The following CCNY variants were observed in gnomAD, a reference collection of about 807,000 sequenced individuals.
The protein encoded by CCNY is cyclin-Y.
CCNY carries 19 observed loss-of-function variants against 42.8 expected under a neutral mutation model. The ratio of observed to expected loss-of-function variants is 0.44; its 90% CI spans 0.31 to 0.65. The LOEUF is 0.65. Among genes scored for constraint, CCNY ranks in the 30% least tolerant of loss-of-function variants. CCNY has a pLI of 0.07. For synonymous variants in CCNY, 165 were observed against 162.7 expected (o/e 1.01, Z -0.11); for missense variants, 370 against 437.3 (o/e 0.85, Z 1.37).
intron 3 of CCNY, among the ~76,000 whole-genome samples, chr10:35,275,826 CAGGTCTGCAAACTGGACCT>C (rs1416161325): frequency 6.6e-6 from 1 of 152,180 alleles, no homozygotes; most frequent in Non-Finnish European, 1.5e-5. Context: ...GACCACTGGG[CAGGTCTGCAAACTGGACCT>C]AGGTCGGGAC....
intron 3 of CCNY, among the ~76,000 whole-genome samples, chr10:35,259,714 G>A (rs2135030331): frequency 7.5e-6 from 1 of 133,464 alleles, no homozygotes; most frequent in South Asian, 2.4e-4. Context: ...GTTTGGCCAT[G>A]TTGGCCAGGC....
At chr10:35,442,122 A>T (rs950024210) in intron 1 of CCNY, among the ~76,000 whole-genome samples, 2 of 152,224 alleles carry the variant, frequency 1.3e-5, no homozygotes, top group Non-Finnish European at 2.9e-5. Context: ...TGGGCTGGCT[A>T]GAAATGTCAC....
chr10:35,446,442 C>A (rs115071713), intron 1 of CCNY, among the ~76,000 whole-genome samples: 1,793 of 152,198 alleles, frequency 0.012, 44 homozygotes, highest in African/African-American at 0.041. Context: ...TTAAATAGTA[C>A]TTAATTGTCC....
At chr10:35,519,579 C>T (rs1398957689) in intron 4 of CCNY, among the ~76,000 whole-genome samples, 1 of 151,782 alleles carries the variant, frequency 6.6e-6, no homozygotes, top group Non-Finnish European at 1.5e-5. Context: ...ACCAATGTCC[C>T]CCTGCCACTT....
intron 3 of CCNY, among the ~76,000 whole-genome samples, chr10:35,303,718 G>C (rs960797005): frequency 1.2e-4 from 18 of 147,312 alleles, no homozygotes; most frequent in African/African-American, 4.5e-4. Context: ...CGGAGGTTGC[G>C]GTGAGCCGAG....
intron 1 of CCNY, among the ~76,000 whole-genome samples, chr10:35,385,225 G>A (rs543980722): frequency 4.3e-4 from 66 of 152,260 alleles, no homozygotes; most frequent in Non-Finnish European, 6.9e-4. Flanking sequence ...AGCAATATGT[G>A]AATTCAAATT....
In CCNY at chr10:35,319,308, A is replaced by G. The variant is rs1835795368; in HGVS notation, c.-9+68682A>G. Among the ~76,000 whole-genome samples the G allele has an allele frequency of 2.6e-5, 4 of 152,306 alleles. No individual in the cohort carries two copies. In the South Asian group the frequency reaches 8.3e-4, roughly 32 times the overall value. The stretch of plus-strand genomic sequence containing the variant: ...GGCAGGAGGACTGCCTGAGACCAGG[A>G]GTTTGGGGCTGAGTGAGTTATGATC... On this transcript the variant is annotated intron_variant, in intron 3 of 11. Coordinates refer to the CCNY transcript ENST00000374706.
At chr10:35,507,929 G>C (rs1840247558) in intron 3 of CCNY, among the ~76,000 whole-genome samples, 1 of 152,112 alleles carries the variant, frequency 6.6e-6, no homozygotes, top group Non-Finnish European at 1.5e-5. Context: ...CGAGAGGCAG[G>C]CAGTTTCATC....
chr10:35,566,191 A>G lies in CCNY; in HGVS notation c.909+6A>G. ...AGAGGGCTCACAAGCTTGAGGTAAG[A>G]TGGTTTAAAACAGCGTTTTGTGGTG... On this transcript the variant is annotated splice_donor_region_variant and intron_variant, in intron 9 of 9. Transcript: ENST00000374704. 1 of 1,612,342 alleles carries G rather than the reference A, an allele frequency of 6.2e-7. No individual in the cohort carries two copies. The highest frequency in any genetic ancestry group is 2.2e-5 in the East Asian group (1 of 44,880).
At chr10:35,512,795 C>T (rs959268045) in intron 3 of CCNY, among the ~76,000 whole-genome samples, 2 of 151,686 alleles carry the variant, frequency 1.3e-5, no homozygotes, top group African/African-American at 4.8e-5. Flanking sequence ...GGGAGCTCAG[C>T]ATGGTGATGG....
chr10:35,300,442 G>A (rs1288265923), intron 3 of CCNY, among the ~76,000 whole-genome samples: 2 of 151,986 alleles, frequency 1.3e-5, no homozygotes, highest in Non-Finnish European at 2.9e-5. Context: ...TTTGTCTGTT[G>A]TTCAGAGTCT....
At chr10:35,252,444 T>C (rs1236032160) in intron 3 of CCNY, among the ~76,000 whole-genome samples, 3 of 151,770 alleles carry the variant, frequency 2.0e-5, no homozygotes, top group African/African-American at 4.8e-5. Context: ...CTGGCGCCTG[T>C]AGTCCCAGCT....
chr10:35,564,988 C>T (rs1056431221), intron 8 of CCNY, among the ~76,000 whole-genome samples: 11 of 151,082 alleles, frequency 7.3e-5, no homozygotes, highest in Non-Finnish European at 1.5e-4. Flanking sequence ...GGGTGGGCAC[C>T]CTGTGGGTGG....
At chr10:35,274,547 C>T (rs1375918392) in intron 3 of CCNY, among the ~76,000 whole-genome samples, 1 of 152,190 alleles carries the variant, frequency 6.6e-6, no homozygotes, top group Non-Finnish European at 1.5e-5. Context: ...TATGTTTTAT[C>T]AAGGCCTCCA....
intron 3 of CCNY, among the ~76,000 whole-genome samples, chr10:35,285,869 A>G (rs1367097947): frequency 6.6e-6 from 1 of 151,838 alleles, no homozygotes; most frequent in African/African-American, 2.4e-5. Flanking sequence ...CTGGAGTGCA[A>G]TGGCACGATC....
At position 35,290,222 on chromosome 10, in the gene CCNY, TCACACACACACACA is replaced by T. The variant is rs368209050; in HGVS notation, c.-9+39625_-9+39638del. ...GCCTGGGCAACACAGCAAGACTCCA[TCACACACACACACA>T]CACACACACACACACACACACACAC... On this transcript the variant is annotated intron_variant, in intron 3 of 11. Coordinates refer to the CCNY transcript ENST00000374706. 9.8e-5 allele frequency among the ~76,000 whole-genome samples: 12 copies of T among 122,910 alleles called. 1 individual carries two copies. The highest frequency in any genetic ancestry group is 4.9e-4 in the East Asian group (2 of 4,112). The allele number at this position is 122,910 out of a possible 152,430, so 80.6% of individuals were successfully genotyped here.
At chr10:35,521,435 CTG>C (rs1294422824) in intron 4 of CCNY, among the ~76,000 whole-genome samples, 1 of 152,236 alleles carries the variant, frequency 6.6e-6, no homozygotes, top group African/African-American at 2.4e-5. Context: ...CCGGTTAACT[CTG>C]TGGCTCGCCA....
At chr10:35,565,976 C>A in intron 8 of CCNY, 47 bp from the exon 9 acceptor site, 1 of 1,571,718 alleles carries the variant, frequency 6.4e-7, no homozygotes, top group African/African-American at 1.4e-5. Context: ...GGCCACGTGG[C>A]CTGGTGTGGC....
chr10:35,506,885 G>A (rs575434333), intron 3 of CCNY, among the ~76,000 whole-genome samples: 7 of 152,338 alleles, frequency 4.6e-5, no homozygotes, highest in African/African-American at 1.7e-4. Context: ...GACCACAGCT[G>A]CCTGGTTTTC....
Sources: gnomAD v4.1 joint callset for allele counts (sites outside exome capture counted in the v4.1 genomes callset) on GRCh38, gnomAD v4.1.1 for gene constraint, MANE v1.5 for transcripts, NCBI Gene and HGNC (gene_info 2026-07-23, HGNC 2026-07-21) for gene names.